Variants in TMC7 observed in about 807,000 individuals in gnomAD.
TMC7 encodes the protein transmembrane channel-like protein 7.
A neutral mutation model predicts 82.9 loss-of-function variants in TMC7; 54 were observed. The ratio of observed to expected loss-of-function variants is 0.65; its 90% CI spans 0.52 to 0.82. The LOEUF (loss-of-function observed/expected upper bound fraction) is 0.82. Among genes scored for constraint, TMC7 ranks in the 40% least tolerant of loss-of-function variants. The pLI, the probability that TMC7 is intolerant of heterozygous loss-of-function variation, is 0.00. For missense variants in TMC7, 820 were observed against 901.2 expected (o/e 0.91, Z 1.15); for synonymous variants, 350 against 337.9 (o/e 1.04, Z -0.39).
At chr16:18,984,278 AAGG>A (rs1227949200) in intron 1 of TMC7, 148 bp downstream of exon 1, 3 of 1,337,936 alleles carry the variant, frequency 2.2e-6, no homozygotes, top group East Asian at 6.3e-5. Flanking sequence ...AGCAGGTGGG[AAGG>A]AGATCTTCCT....
chr16:19,037,539 T>C (rs2142258723), intron 7 of TMC7, among the ~76,000 whole-genome samples: 1 of 150,084 alleles, frequency 6.7e-6, no homozygotes, highest in South Asian at 2.1e-4. Context: ...GACGTGATCA[T>C]ACATCACTGC....
chr16:19,056,296 G>T (rs1961767575), intron 13 of TMC7, among the ~76,000 whole-genome samples: 1 of 151,972 alleles, frequency 6.6e-6, no homozygotes, highest in South Asian at 2.1e-4. Flanking sequence ...ACGTTGGTCA[G>T]CCTGGTCTCG....
rs1240223746 is a variant in TMC7 at position 19,054,005 on chromosome 16, A to G, written c.1871+2189A>G. On this transcript the variant is annotated intron_variant, in intron 13 of 15. Coordinates refer to ENST00000304381, the MANE Select transcript of TMC7 (RefSeq NM_024847.4). ...GCCACTTTTCTCTCTTTTTCTCTCAATGGTTCTTCAGTATTCAGTCATATG... is the reference window on the plus strand; with the variant it reads ...GCCACTTTTCTCTCTTTTTCTCTCAGTGGTTCTTCAGTATTCAGTCATATG... Among the ~76,000 whole-genome samples, 4 of 151,586 alleles carry G rather than the reference A, an allele frequency of 2.6e-5. No homozygotes were observed. The South Asian group carries it at 6.3e-4, about 24-fold the overall frequency.
chr16:19,054,740 C>CTTT (rs71143826), intron 13 of TMC7, among the ~76,000 whole-genome samples: 40 of 63,142 alleles, frequency 6.3e-4, no homozygotes, highest in African/African-American at 1.5e-3. Flanking sequence ...ATGGGATTTG[C>CTTT]TTTTTTTTTT....
At chr16:19,024,689 G>A (rs1960139885) in intron 5 of TMC7, among the ~76,000 whole-genome samples, 1 of 151,878 alleles carries the variant, frequency 6.6e-6, no homozygotes, top group Non-Finnish European at 1.5e-5. Flanking sequence ...AGGACTACAG[G>A]CGTGCACTAC....
chr16:19,045,721 C>T (rs1037443821), intron 11 of TMC7, among the ~76,000 whole-genome samples: 8 of 151,206 alleles, frequency 5.3e-5, no homozygotes, highest in South Asian at 4.2e-4. Context: ...CTCAGCCTCC[C>T]GAGTAGCTGG....
intron 5 of TMC7, among the ~76,000 whole-genome samples, chr16:19,024,482 A>G (rs145291947): frequency 6.6e-6 from 1 of 152,264 alleles, no homozygotes; most frequent in African/African-American, 2.4e-5. Flanking sequence ...ATAAGATTGC[A>G]GCTATGAAAA....
At chr16:19,014,916 A>G (rs1453668074) in intron 2 of TMC7, among the ~76,000 whole-genome samples, 5 of 152,136 alleles carry the variant, frequency 3.3e-5, no homozygotes, top group Non-Finnish European at 5.9e-5. Context: ...ATGTGTCACA[A>G]AATATTATTT....
chr16:19,031,830 G>T (rs150267181), intron 6 of TMC7, among the ~76,000 whole-genome samples: 48 of 152,284 alleles, frequency 3.2e-4, no homozygotes, highest in African/African-American at 1.1e-3. Context: ...GGCTTCGAAG[G>T]TCCTGCCAAG....
At chr16:19,035,046 T>C (rs1221653084) in intron 6 of TMC7, among the ~76,000 whole-genome samples, 2 of 152,144 alleles carry the variant, frequency 1.3e-5, no homozygotes, top group Admixed American at 6.6e-5. Flanking sequence ...AATGGAGGAC[T>C]GGATAAAGAA....
rs1001867498 is a variant in TMC7 at position 19,021,743 on chromosome 16, C to T, written c.575C>T (p.Thr192Met). 2.5e-5 allele frequency: 41 copies of T among 1,613,984 alleles called. No individual in the cohort carries two copies. Among genetic ancestry groups the T allele is most frequent in the Non-Finnish European group, 3.3e-5 (39 of 1,180,022 alleles). The stretch of plus-strand genomic sequence containing the variant: ...CTGGTTTTGCTCCCAGTCTTACTCA[C>T]GAAATACAAGATCACCAACAGCAGC... Reference protein sequence around the residue: ...FMLVLLPVLLTKYKITNSSFV... With the variant: ...FMLVLLPVLLMKYKITNSSFV... Residue 192 changes from threonine to methionine, a missense_variant, in exon 4 of 16, where the codon ACG becomes ATG. By Grantham distance (81) the Thr-to-Met change is moderately conservative (BLOSUM62 -1). Around this residue, in one of 2 missense-constraint regions of TMC7, gnomAD observed 650 missense variants for 669.9 expected, o/e 0.97. Coordinates refer to ENST00000304381, the MANE Select transcript of TMC7 (RefSeq NM_024847.4).
chr16:19,026,455 C>T lies in TMC7; in HGVS notation c.711+3260C>T, dbSNP rs542122506. 8.8e-5 allele frequency among the ~76,000 whole-genome samples: 13 copies of T among 147,224 alleles called. No homozygotes were observed. The South Asian group carries it at 2.4e-3, about 27-fold the overall frequency. ...TCATGCCACTGCACTCCAGCCTGGG[C>T]GACAGAGTGAGACTCCGTCTCAAAA... On this transcript the variant is annotated intron_variant, in intron 5 of 15. Transcript: ENST00000304381.
chr16:19,040,655 T>C lies in TMC7; in HGVS notation c.1337+209T>C, dbSNP rs576081562. 2.6e-5 allele frequency among the ~76,000 whole-genome samples: 4 copies of C among 152,244 alleles called. No homozygotes were observed. In the East Asian group the frequency reaches 7.7e-4, roughly 29 times the overall value. On this transcript the variant is annotated intron_variant, in intron 9 of 15. Coordinates refer to ENST00000304381, the MANE Select transcript of TMC7 (RefSeq NM_024847.4). ...TTTGAAAGTCTACTCCTTGGTATTA[T>C]ATTTTTGCTTCATATAATAGCACAG...
intron 1 of TMC7, among the ~76,000 whole-genome samples, chr16:18,990,491 C>A (rs1438595023): frequency 6.6e-6 from 1 of 152,188 alleles, no homozygotes; most frequent in Non-Finnish European, 1.5e-5. Flanking sequence ...GACAGGGTTT[C>A]ACCAGATTGG....
chr16:19,019,141 C>T (rs976101306), intron 3 of TMC7, among the ~76,000 whole-genome samples: 24 of 152,230 alleles, frequency 1.6e-4, no homozygotes, highest in Non-Finnish European at 3.1e-4. Flanking sequence ...TGAGCCACCA[C>T]GCCCGGCCAG....
At chr16:19,015,152 C>T (rs1291469017) in intron 2 of TMC7, among the ~76,000 whole-genome samples, 3 of 151,720 alleles carry the variant, frequency 2.0e-5, no homozygotes, top group Admixed American at 6.6e-5. Context: ...TCAGTAGAGA[C>T]GGGGTTTCGC....
At chr16:19,058,071 C>T (rs73528949) in intron 14 of TMC7, among the ~76,000 whole-genome samples, 8,184 of 151,996 alleles carry the variant, frequency 0.054, 283 homozygotes, top group South Asian at 0.13. Flanking sequence ...CCTTCTACTA[C>T]ACCTGGATTT....
At position 19,009,203 on chromosome 16, in the gene TMC7, T is replaced by G. The variant is rs770583392; in HGVS notation, c.99T>G (p.Ser33=). Reference sequence around the variant, plus strand: ...TCTCTCTAGACTCCAGTTGCTTCTCTTCTCCACCTGTGAACTTCCTCCAAG... The same window carrying G: ...TCTCTCTAGACTCCAGTTGCTTCTCGTCTCCACCTGTGAACTTCCTCCAAG... The part of the protein sequence containing the change: ...ENLSLDSSCF[S]SPPVNFLQEL... Residue 33 remains serine, a synonymous_variant, in exon 2 of 16, where the codon TCT becomes TCG. Transcript: ENST00000304381. 6.2e-7 allele frequency: 1 copy of G among 1,614,202 alleles called. No homozygotes were observed. Among genetic ancestry groups the G allele is most frequent in the Non-Finnish European group, 8.5e-7 (1 of 1,180,036 alleles).
At chr16:18,992,267 T>A (rs1017573329) in intron 1 of TMC7, among the ~76,000 whole-genome samples, 1 of 152,228 alleles carries the variant, frequency 6.6e-6, no homozygotes, top group Non-Finnish European at 1.5e-5. Flanking sequence ...TGTTGTTTCC[T>A]GACTTTTTAA....
Sources: allele counts gnomAD v4.1 joint callset (sites outside exome capture counted in the v4.1 genomes callset), GRCh38; gene constraint gnomAD v4.1.1; regional missense constraint gnomAD v4.1.1; transcripts MANE v1.5; gene names NCBI Gene and HGNC (gene_info 2026-07-23, HGNC 2026-07-21).